Variants in UBAP2 observed in about 807,000 individuals in gnomAD.
UBAP2 encodes ubiquitin-associated protein 2.
Under a neutral mutation model 139.6 loss-of-function variants are expected in UBAP2, and 75 were observed. The ratio of observed to expected loss-of-function variants is 0.54; its 90% CI spans 0.45 to 0.65. The LOEUF (loss-of-function observed/expected upper bound fraction) is 0.65. Among genes scored for constraint, UBAP2 ranks in the 30% least tolerant of loss-of-function variants. The probability of loss-of-function intolerance (pLI) is 0.00; values close to 1 mark genes in which losing one functional copy is unlikely to be tolerated. For missense variants in UBAP2, 1,368 were observed against 1,369.6 expected (o/e 1.00, Z 0.02); for synonymous variants, 526 against 526.2 (o/e 1.00, Z 0.01).
At chr9:33,925,190 A>G (rs1823318221) in intron 22 of UBAP2, among the ~76,000 whole-genome samples, 1 of 152,114 alleles carries the variant, frequency 6.6e-6, no homozygotes, top group Non-Finnish European at 1.5e-5. Context: ...GCTGTGCCCG[A>G]TCCCAGAAAG....
chr9:33,953,983 T>C (rs1826321350), intron 11 of UBAP2, among the ~76,000 whole-genome samples: 1 of 152,060 alleles, frequency 6.6e-6, no homozygotes, highest in Non-Finnish European at 1.5e-5. Context: ...CCTGGCTCAC[T>C]GCAACCTCTG....
rs1564018357 is a variant in UBAP2 at position 33,933,401 on chromosome 9, T to A, written c.2108+89A>T. ...AGGACATCACGTCAGAGACAACAAG[T>A]GTGCTCTGTTCATGAAAGCAACCTT... On this transcript the variant is annotated intron_variant, in intron 18 of 28. Transcript: ENST00000379238. The A allele has an allele frequency of 2.1e-6, 3 of 1,426,344 alleles. No homozygotes were observed. In the South Asian group the frequency reaches 3.9e-5, roughly 18 times the overall value. The allele number at this position is 1,426,344 out of a possible 1,614,324, so 88.4% of individuals were successfully genotyped here.
intron 16 of UBAP2, among the ~76,000 whole-genome samples, chr9:33,939,881 A>G (rs1441913813): frequency 1.9e-4 from 1 of 5,328 alleles, no homozygotes; most frequent in African/African-American, 7.9e-4. Context: ...GGAGGGGAGG[A>G]GGAGGAGGAG....
chr9:34,001,740 C>G (rs1207083874), intron 2 of UBAP2, among the ~76,000 whole-genome samples: 1 of 152,126 alleles, frequency 6.6e-6, no homozygotes, highest in Non-Finnish European at 1.5e-5. Flanking sequence ...TTCCCTAACA[C>G]TATTATTTTC....
chr9:33,923,901 G>A lies in UBAP2; in HGVS notation c.2690C>T (p.Ala897Val), dbSNP rs1449770854. 6.2e-7 allele frequency: 1 copy of A among 1,614,044 alleles called. No homozygotes were observed. Among genetic ancestry groups the A allele is most frequent in the Non-Finnish European group, 8.5e-7 (1 of 1,180,024 alleles). Residue 897 changes from alanine to valine, a missense_variant, in exon 24 of 29, where the codon GCC (alanine) becomes GTC (valine). Ala to Val is a moderately conservative substitution (Grantham distance 64, BLOSUM62 0). Coordinates refer to ENST00000379238, the MANE Select transcript of UBAP2 (RefSeq NM_001370062.2). ...QQSQSQTHHT[A>V]QQPFVNPALP... is the part of the protein sequence containing the mutation. ...TGCAGGATTCACGAAGGGCTGCTGG[G>A]CTGTGTGGTGGGTCTGTGATTGGCT...
intron 21 of UBAP2, 131 bp from the exon 22 acceptor site, chr9:33,926,795 C>T (rs1169087672): frequency 8.4e-6 from 9 of 1,073,784 alleles, no homozygotes; most frequent in African/African-American, 6.2e-5. Flanking sequence ...TTAGCTGTTA[C>T]GGGAACAGAT....
chr9:33,977,762 G>A (rs967751456), intron 6 of UBAP2, among the ~76,000 whole-genome samples: 6 of 151,278 alleles, frequency 4.0e-5, no homozygotes, highest in African/African-American at 7.3e-5. Context: ...TCCCAGGTTC[G>A]AATGATTCTT....
chr9:33,960,386 C>A (rs921120433), intron 10 of UBAP2, among the ~76,000 whole-genome samples: 3 of 152,100 alleles, frequency 2.0e-5, no homozygotes, highest in Admixed American at 6.6e-5. Flanking sequence ...CTCAAAAACC[C>A]TGGCTACGAT....
intron 4 of UBAP2, chr9:33,995,797 A>G (rs1386586210): frequency 6.6e-6 from 1 of 151,828 alleles, no homozygotes; most frequent in African/African-American, 2.4e-5. Flanking sequence ...TTAAAAAAAA[A>G]AAAGAAAACT....
chr9:33,953,211 T>C (rs778996699), intron 12 of UBAP2, 74 bp downstream of exon 12: 66 of 1,333,516 alleles, frequency 4.9e-5, no homozygotes, highest in Non-Finnish European at 6.5e-5. Flanking sequence ...TTATAAAGCA[T>C]GTATCATATT....
At chr9:33,991,303 AAATAATAAT>A (rs60216977) in intron 4 of UBAP2, among the ~76,000 whole-genome samples, 1 of 151,238 alleles carries the variant, frequency 6.6e-6, no homozygotes, top group Non-Finnish European at 1.5e-5. Context: ...TCTGTATCAA[AAATAATAAT>A]AATAATAACG....
chr9:34,030,169 G>A lies in UBAP2; in HGVS notation c.-41-12980C>T, dbSNP rs1277311506. 3.9e-5 allele frequency among the ~76,000 whole-genome samples: 6 copies of A among 152,142 alleles called. No individual in the cohort carries two copies. In the East Asian group the frequency reaches 9.7e-4, roughly 25 times the overall value. Reference sequence around the variant, plus strand: ...GTTTAAAAATCAGCCAGGTGAGCCGGGCGCGGTGGCTCACGCCTGTAATCC... The same window carrying A: ...GTTTAAAAATCAGCCAGGTGAGCCGAGCGCGGTGGCTCACGCCTGTAATCC... On this transcript the variant is annotated intron_variant, in intron 1 of 28. Coordinates refer to ENST00000379238, the MANE Select transcript of UBAP2 (RefSeq NM_001370062.2).
intron 4 of UBAP2, among the ~76,000 whole-genome samples, chr9:33,992,244 C>G (rs1044325514): frequency 6.6e-6 from 1 of 151,854 alleles, no homozygotes; most frequent in Non-Finnish European, 1.5e-5. Context: ...CAAAATTAGC[C>G]GGGCGTGGTG....
intron 13 of UBAP2, among the ~76,000 whole-genome samples, chr9:33,947,299 C>A (rs1438394645): frequency 6.6e-6 from 1 of 152,124 alleles, no homozygotes; most frequent in Non-Finnish European, 1.5e-5. Context: ...CCCACATGGC[C>A]AGCTCCACAA....
chr9:34,004,494 A>G (rs1225852422), intron 2 of UBAP2, among the ~76,000 whole-genome samples: 1 of 151,630 alleles, frequency 6.6e-6, no homozygotes, highest in African/African-American at 2.4e-5. Flanking sequence ...AAAAAAGGAA[A>G]AAAAAAGGCT....
At chr9:33,927,453 G>A (rs780441132) in intron 20 of UBAP2, among the ~76,000 whole-genome samples, 3 of 152,152 alleles carry the variant, frequency 2.0e-5, no homozygotes, top group African/African-American at 4.8e-5. Flanking sequence ...TTTTAGCAGC[G>A]ACCATCAAAT....
At chr9:33,971,004 T>C (rs1564037098) in intron 8 of UBAP2, among the ~76,000 whole-genome samples, 1 of 152,160 alleles carries the variant, frequency 6.6e-6, no homozygotes, top group Non-Finnish European at 1.5e-5. Flanking sequence ...GGTTTCACCA[T>C]GTTGGCCAGG....
chr9:33,953,792 T>C (rs1826305573), intron 11 of UBAP2, among the ~76,000 whole-genome samples: 1 of 152,224 alleles, frequency 6.6e-6, no homozygotes. Flanking sequence ...TTCTCAAGTT[T>C]GGTTCATTTT....
intron 1 of UBAP2, among the ~76,000 whole-genome samples, chr9:34,038,722 G>T (rs11999054): frequency 0.15 from 22,633 of 151,830 alleles, 1,746 homozygotes; most frequent in African/African-American, 0.16. Flanking sequence ...GGGAAGTGAG[G>T]AGCATCTCTG....
Sources: gnomAD v4.1 joint callset for allele counts (sites outside exome capture counted in the v4.1 genomes callset) on GRCh38, gnomAD v4.1.1 for gene constraint, MANE v1.5 for transcripts, NCBI Gene and HGNC (gene_info 2026-07-23, HGNC 2026-07-21) for gene names.